ELAVL4: variants seen among roughly 807,000 people sequenced by gnomAD.
ELAVL4 encodes ELAV-like protein 4.
In ELAVL4, 1 loss-of-function variant was observed where a neutral mutation model predicts 35.6. The ratio of observed to expected loss-of-function variants is 0.03; its 90% CI spans 0.01 to 0.13. ELAVL4 has a LOEUF of 0.13. Ranked by LOEUF, ELAVL4 falls within the 10% of genes least tolerant of loss-of-function variation. The pLI is 1.00. For synonymous variants in ELAVL4, 156 were observed against 171.0 expected, an observed-to-expected ratio of 0.91 and a Z score of 0.69; for missense variants, 267 against 464.9, an observed-to-expected ratio of 0.57 and a Z score of 3.91.
chr1:50,166,143 C>T (rs1050068494), intron 2 of ELAVL4, among the ~76,000 whole-genome samples: 1 of 152,062 alleles, frequency 6.6e-6, no homozygotes, highest in African/African-American at 2.4e-5. Flanking sequence ...CTCACAGACA[C>T]GCCCAGGATC....
intron 1 of ELAVL4, among the ~76,000 whole-genome samples, chr1:50,142,723 C>T (rs1343569637): frequency 6.6e-6 from 1 of 152,148 alleles, no homozygotes; most frequent in Admixed American, 6.6e-5. Context: ...TCTACTGAAG[C>T]TAAATATACA....
At chr1:50,058,618 CTT>C (rs112852298) in intron 1 of ELAVL4, among the ~76,000 whole-genome samples, 5 of 144,936 alleles carry the variant, frequency 3.4e-5, no homozygotes, top group Non-Finnish European at 4.6e-5. Context: ...AAGATAATTC[CTT>C]TTTTTTTTTT....
intron 1 of ELAVL4, among the ~76,000 whole-genome samples, chr1:50,090,720 A>T (rs1665453776): frequency 6.6e-6 from 1 of 152,164 alleles, no homozygotes; most frequent in South Asian, 2.1e-4. Flanking sequence ...GAAGAGAGAG[A>T]GTGAAGATGG....
chr1:50,120,985 C>T (rs1388620287), intron 1 of ELAVL4, among the ~76,000 whole-genome samples: 1 of 152,088 alleles, frequency 6.6e-6, no homozygotes, highest in East Asian at 1.9e-4. Flanking sequence ...CTTGTCTTGA[C>T]TGGTCATCTG....
At chr1:50,127,712 G>GC (rs1206049367) in intron 1 of ELAVL4, among the ~76,000 whole-genome samples, 7 of 152,000 alleles carry the variant, frequency 4.6e-5, no homozygotes, top group African/African-American at 1.5e-4. Context: ...CTATTGATAT[G>GC]CCCCAAGTTA....
chr1:50,102,836 T>C (rs1009952913), upstream of ELAVL4, among the ~76,000 whole-genome samples: 5 of 152,194 alleles, frequency 3.3e-5, no homozygotes, highest in African/African-American at 1.2e-4. Flanking sequence ...GCTGAGTTTT[T>C]TGGGGGTTAT....
rs900925453 is a variant in ELAVL4, at chr1:50,194,044, C to T, written c.508+126C>T. On this transcript the variant is annotated intron_variant, in intron 4 of 6. Coordinates refer to ENST00000371824, the MANE Select transcript of ELAVL4 (RefSeq NM_001144774.3). ...GGATCATGAATAGACAGATTTTTGA[C>T]TTGGAAGAAAGACTTCTTATCGGTC... The T allele has an allele frequency of 4.0e-6, 5 of 1,247,636 alleles. No individual in the cohort carries two copies. The African/African-American group carries it at 7.8e-5, about 19-fold the overall frequency. 77.3% of individuals were successfully genotyped at this position (1,247,636 alleles called of 1,614,324 possible).
chr1:50,187,019 G>C (rs1166646656), intron 3 of ELAVL4, among the ~76,000 whole-genome samples: 1 of 152,198 alleles, frequency 6.6e-6, no homozygotes, highest in South Asian at 2.1e-4. Context: ...CCTGCTCCTA[G>C]AGGTGGGATT....
intron 1 of ELAVL4, among the ~76,000 whole-genome samples, chr1:50,088,156 C>T (rs930659975): frequency 3.3e-5 from 5 of 152,300 alleles, no homozygotes; most frequent in East Asian, 3.9e-4. Flanking sequence ...TGGAAACATC[C>T]TGGCTCACAA....
chr1:50,169,246 C>T (rs1225386273), intron 2 of ELAVL4, among the ~76,000 whole-genome samples: 1 of 152,066 alleles, frequency 6.6e-6, no homozygotes, highest in Non-Finnish European at 1.5e-5. Flanking sequence ...ATGGTGCCCA[C>T]CAGATTAAGG....
At chr1:50,072,737 T>G (rs1664587707) in intron 1 of ELAVL4, among the ~76,000 whole-genome samples, 2 of 152,220 alleles carry the variant, frequency 1.3e-5, no homozygotes, top group Admixed American at 1.3e-4. Flanking sequence ...TGCCAGACAT[T>G]GTGCTTAATC....
At chr1:50,116,510 G>A (rs544474786) in intron 1 of ELAVL4, among the ~76,000 whole-genome samples, 15 of 152,020 alleles carry the variant, frequency 9.9e-5, no homozygotes, top group Admixed American at 2.0e-4. Context: ...AAAGTACTCT[G>A]TGTTTTCCTA....
chr1:50,130,262 C>T (rs545130326), intron 1 of ELAVL4, among the ~76,000 whole-genome samples: 1 of 152,202 alleles, frequency 6.6e-6, no homozygotes, highest in Non-Finnish European at 1.5e-5. Flanking sequence ...TAGGAAAAGT[C>T]CTCAGACTTA....
intron 1 of ELAVL4, among the ~76,000 whole-genome samples, chr1:50,071,158 C>T (rs542934467): frequency 6.6e-6 from 1 of 152,328 alleles, no homozygotes; most frequent in African/African-American, 2.4e-5. Flanking sequence ...GAAGAGCTCT[C>T]CCTCCCTCCA....
chr1:50,146,061 A>T (rs1225806120), intron 2 of ELAVL4, among the ~76,000 whole-genome samples: 1 of 152,160 alleles, frequency 6.6e-6, no homozygotes, highest in Non-Finnish European at 1.5e-5. Context: ...TCCTGAAATC[A>T]TTCATATCCA....
At chr1:50,090,361 A>G (rs1665434958) in intron 1 of ELAVL4, among the ~76,000 whole-genome samples, 1 of 152,200 alleles carries the variant, frequency 6.6e-6, no homozygotes, top group South Asian at 2.1e-4. Context: ...GTGTAGAGAA[A>G]GAGCTATTCT....
intron 1 of ELAVL4, among the ~76,000 whole-genome samples, chr1:50,059,650 A>G (rs963291494): frequency 3.3e-5 from 5 of 152,234 alleles, no homozygotes; most frequent in African/African-American, 7.2e-5. Flanking sequence ...ATTCAAGTAC[A>G]AGTACACACA....
chr1:50,144,996 A>G lies in ELAVL4; in HGVS notation c.49A>G (p.Thr17Ala), dbSNP rs1251084845. 6.2e-7 allele frequency: 1 copy of G among 1,613,926 alleles called. No individual in the cohort carries two copies. The highest frequency in any genetic ancestry group is 1.1e-5 in the South Asian group (1 of 91,080). ...TMEPQVSNGP[T>A]SNTSNGPSSN... ...GGAGCCTCAGGTGTCAAATGGTCCG[A>G]CATCCAATACAAGCAATGGACCCTC... Residue 17 changes from threonine (T) to alanine (A), a missense_variant, in exon 2 of 7, where the codon ACA becomes GCA. By Grantham distance (58) the Thr-to-Ala change is moderately conservative. Transcript: ENST00000371824.
rs1328238654 is a variant in ELAVL4, at chr1:50,144,964, G to A, written c.17G>A (p.Ser6Asn). Residue 6 changes from serine (S) to asparagine (N), a missense_variant, in exon 2 of 7, where the codon AGC (serine) becomes AAC (asparagine). Coordinates refer to ENST00000371824, the MANE Select transcript of ELAVL4 (RefSeq NM_001144774.3). Reference protein sequence around the residue: MVMIISTMEPQVSNGP... With the variant: MVMIINTMEPQVSNGP... ...GTTTTTATTTTTATTTAGATAATTA[G>A]CACCATGGAGCCTCAGGTGTCAAAT... 1 of 1,613,234 alleles carries A rather than the reference G, an allele frequency of 6.2e-7. No homozygotes were observed. The highest frequency in any genetic ancestry group is 8.5e-7 in the Non-Finnish European group (1 of 1,179,764).
Sources: gnomAD v4.1 joint callset for allele counts (sites outside exome capture counted in the v4.1 genomes callset) on GRCh38, gnomAD v4.1.1 for gene constraint, MANE v1.5 for transcripts, NCBI Gene and HGNC (gene_info 2026-07-23, HGNC 2026-07-21) for gene names.